The following TSNARE1 variants were observed in gnomAD, a reference collection of about 807,000 sequenced individuals.
TSNARE1 encodes the protein t-SNARE domain containing 1.
A neutral mutation model predicts 62.0 loss-of-function variants in TSNARE1; 49 were observed. The ratio of observed to expected loss-of-function variants is 0.79; its 90% CI spans 0.63 to 1.00. The LOEUF (loss-of-function observed/expected upper bound fraction) is 1.00, where lower values mean the gene tolerates loss of function less well. TSNARE1 is among the 50% of genes least tolerant of loss of function. The pLI is 0.00. For missense variants in TSNARE1, 755 were observed against 700.1 expected, an observed-to-expected ratio of 1.08 and a Z score of -0.88; for synonymous variants, 328 against 294.4, an observed-to-expected ratio of 1.11 and a Z score of -1.17.
At chr8:142,391,055 C>A (rs1374064010) in intron 1 of TSNARE1, among the ~76,000 whole-genome samples, 2 of 145,472 alleles carry the variant, frequency 1.4e-5, no homozygotes, top group African/African-American at 2.6e-5. Context: ...CTGTAACAGA[C>A]GCTGTACACT....
rs565289705 is a variant in TSNARE1, at chr8:142,319,704, T to C, written c.894-1070A>G. On this transcript the variant is annotated intron_variant, in intron 6 of 13. Coordinates refer to ENST00000524325, the MANE Select transcript of TSNARE1 (RefSeq NM_145003.5). This position sits in a 1 kb window ranked among gnomAD's most constrained non-coding sequence, Gnocchi z 4.9. ...GTGGGAGCGAGCCTGGCACCACCAC[T>C]GCAGGCCAAGCCTACAGGAGCGGGG... 5.1e-4 allele frequency among the ~76,000 whole-genome samples: 78 copies of C among 152,222 alleles called. No homozygotes were observed. Among genetic ancestry groups the C allele is most frequent in the African/African-American group, 1.8e-3 (76 of 41,542 alleles).
At chr8:142,216,575 C>A (rs1365274214) in intron 13 of TSNARE1, among the ~76,000 whole-genome samples, 1 of 148,124 alleles carries the variant, frequency 6.8e-6, no homozygotes, top group Non-Finnish European at 1.5e-5. Context: ...CACCCCCTGT[C>A]CCACCCCACC....
intron 12 of TSNARE1, among the ~76,000 whole-genome samples, chr8:142,246,122 G>C (rs765122562): frequency 7.9e-5 from 12 of 152,096 alleles, no homozygotes; most frequent in Admixed American, 7.9e-4. Flanking sequence ...CACAGCCCCC[G>C]TCCCATAAGG....
intron 2 of TSNARE1, among the ~76,000 whole-genome samples, chr8:142,353,141 C>T (rs1834326534): frequency 1.3e-5 from 2 of 152,078 alleles, no homozygotes; most frequent in South Asian, 4.1e-4. Flanking sequence ...CTCCACTAAG[C>T]ACCCCCTCCC....
intron 1 of TSNARE1, among the ~76,000 whole-genome samples, chr8:142,395,644 G>T (rs888008145): frequency 6.6e-6 from 1 of 152,222 alleles, no homozygotes; most frequent in South Asian, 2.1e-4. Flanking sequence ...GGCTGTGACC[G>T]GCGAAAACGC....
At chr8:142,287,302 C>T (rs1822924481) in intron 10 of TSNARE1, among the ~76,000 whole-genome samples, 1 of 141,854 alleles carries the variant, frequency 7.0e-6, no homozygotes, top group Non-Finnish European at 1.5e-5. Flanking sequence ...ACCCAGGACC[C>T]CGGCCAGATC....
chr8:142,356,511 C>T (rs1302254970), intron 1 of TSNARE1, among the ~76,000 whole-genome samples: 1 of 152,210 alleles, frequency 6.6e-6, no homozygotes, highest in Admixed American at 6.5e-5. Context: ...GCAGAGAGCT[C>T]TGCACATGTG....
At chr8:142,299,531 TC>T (rs983111522) in intron 10 of TSNARE1, among the ~76,000 whole-genome samples, 2 of 151,992 alleles carry the variant, frequency 1.3e-5, no homozygotes, top group African/African-American at 4.8e-5. Flanking sequence ...ACAGAGCGTG[TC>T]CCCCCCACGC....
Position 142,278,366 on chromosome 8 carries a change from G to T in TSNARE1, c.1364-3503C>A, listed in dbSNP as rs575742254. ...CTGGGGGCGTTTGAGGCCAGCCCCT[G>T]CCTGTCCTGTGAGGCTGGGTCCTTC... is the stretch of plus-strand genomic sequence containing the variant. On this transcript the variant is annotated intron_variant, in intron 11 of 13. Coordinates refer to ENST00000524325, the MANE Select transcript of TSNARE1 (RefSeq NM_145003.5). 13 of 985,478 alleles carry T rather than the reference G, an allele frequency of 1.3e-5. No individual in the cohort carries two copies. In the South Asian group the frequency reaches 4.2e-4, roughly 32 times the overall value. 61.0% of individuals were successfully genotyped at this position (985,478 alleles called of 1,614,324 possible).
At chr8:142,347,666 C>G (rs192041320) in intron 2 of TSNARE1, among the ~76,000 whole-genome samples, 1 of 151,380 alleles carries the variant, frequency 6.6e-6, no homozygotes, top group South Asian at 2.1e-4. Flanking sequence ...ACACTGCATC[C>G]GCTCACCCAA....
chr8:142,266,784 T>C (rs550498933), intron 12 of TSNARE1, among the ~76,000 whole-genome samples: 1 of 152,320 alleles, frequency 6.6e-6, no homozygotes, highest in East Asian at 1.9e-4. Flanking sequence ...TCCATTTCAC[T>C]GATCCTCCTC....
intron 10 of TSNARE1, among the ~76,000 whole-genome samples, chr8:142,290,622 C>T (rs763924443): frequency 4.6e-5 from 7 of 152,212 alleles, no homozygotes; most frequent in South Asian, 2.1e-4. Flanking sequence ...CCTACAAAGA[C>T]GACTATTCCA....
Position 142,274,844 on chromosome 8 carries a change from A to G in TSNARE1, c.1383T>C (p.Leu461=). The change falls in exon 12 of 14, where the codon CTT becomes CTC. Residue 461 remains leucine (L), a synonymous_variant. Transcript: ENST00000524325. ...GEAVDSIEAS[L]EAASSHAEAA... The stretch of plus-strand genomic sequence containing the variant: ...CCTCCGCATGCGAGGACGCAGCCTC[A>G]AGGCTGGCTTCAATACTATCTGCAA... 1 of 1,577,054 alleles carries G rather than the reference A, an allele frequency of 6.3e-7. No homozygotes were observed.
chr8:142,317,979 G>A (rs550873365), intron 7 of TSNARE1, among the ~76,000 whole-genome samples: 2 of 152,230 alleles, frequency 1.3e-5, no homozygotes, highest in African/African-American at 4.8e-5. Flanking sequence ...AAAAAATTGC[G>A]GACAGGGTGG....
At chr8:142,336,957 GAAAT>G (rs1831838807) in intron 4 of TSNARE1, among the ~76,000 whole-genome samples, 2 of 151,854 alleles carry the variant, frequency 1.3e-5, no homozygotes, top group African/African-American at 4.8e-5. Flanking sequence ...ATAACTGAAT[GAAAT>G]AAAAACACAA....
intron 4 of TSNARE1, among the ~76,000 whole-genome samples, chr8:142,336,001 G>A (rs1274203953): frequency 1.3e-5 from 2 of 152,126 alleles, no homozygotes; most frequent in Admixed American, 6.5e-5. Flanking sequence ...GCAAGATTCC[G>A]GCCAGGCGTG....
At chr8:142,280,116 C>G in intron 11 of TSNARE1, 1 of 1,133,714 alleles carries the variant, frequency 8.8e-7, no homozygotes, top group Non-Finnish European at 1.1e-6. Context: ...TGCCCCGCAG[C>G]GCCCCGAACA....
chr8:142,340,398 C>T (rs372622153), intron 4 of TSNARE1, among the ~76,000 whole-genome samples: 18 of 152,114 alleles, frequency 1.2e-4, no homozygotes, highest in African/African-American at 3.4e-4. Context: ...CAGGCAAAGC[C>T]GCAGGCAGAC....
chr8:142,298,946 C>G (rs940997511), intron 10 of TSNARE1, among the ~76,000 whole-genome samples: 2 of 152,234 alleles, frequency 1.3e-5, no homozygotes, highest in Non-Finnish European at 2.9e-5. Flanking sequence ...GAAACCATCT[C>G]TGTGCTTCGG....
Sources: allele counts gnomAD v4.1 joint callset (sites outside exome capture counted in the v4.1 genomes callset), GRCh38; gene constraint gnomAD v4.1.1; non-coding constraint Gnocchi (gnomAD v3.1); transcripts MANE v1.5; gene names NCBI Gene and HGNC (gene_info 2026-07-23, HGNC 2026-07-21).